Variants in TMEM132D observed in about 807,000 individuals in gnomAD.
TMEM132D encodes mature OL transmembrane protein.
In TMEM132D, 21 loss-of-function variants were observed where a neutral mutation model predicts 62.3. That is an observed-to-expected ratio of 0.34 (90% CI 0.24 to 0.49). The LOEUF is 0.49. Ranked by LOEUF, TMEM132D falls within the 20% of genes least tolerant of loss-of-function variation. TMEM132D has a pLI of 0.99. For synonymous variants in TMEM132D, 621 were observed against 575.6 expected, an observed-to-expected ratio of 1.08 and a Z score of -1.13; for missense variants, 1,346 against 1,402.8, an observed-to-expected ratio of 0.96 and a Z score of 0.65.
chr12:129,331,434 C>A (rs80316890), intron 4 of TMEM132D, among the ~76,000 whole-genome samples: 2,573 of 152,244 alleles, frequency 0.017, 68 homozygotes, highest in African/African-American at 0.059. Context: ...CTGACCATGT[C>A]TCCTGATTAA....
In TMEM132D at chr12:129,236,532, GA is replaced by G. The variant is rs1268799763; in HGVS notation, c.1300-26870del. Among the ~76,000 whole-genome samples the G allele has an allele frequency of 3.9e-4, 44 of 113,536 alleles. No homozygotes were observed. In the East Asian group the frequency reaches 5.1e-3, roughly 13 times the overall value. 74.5% of individuals were successfully genotyped at this position (113,536 alleles called of 152,430 possible). On this transcript the variant is annotated intron_variant, in intron 4 of 8. Coordinates refer to ENST00000422113, the MANE Select transcript of TMEM132D (RefSeq NM_133448.3). ...TCCATCTCAAAAAAAAAAAAAAAAAGAAAAAAAAAAGAAAAGAAATGAAACT... is the reference window on the plus strand; with the variant it reads ...TCCATCTCAAAAAAAAAAAAAAAAAGAAAAAAAAAGAAAAGAAATGAAACT...
chr12:129,403,032 T>C (rs1203990180), intron 3 of TMEM132D, among the ~76,000 whole-genome samples: 1 of 152,234 alleles, frequency 6.6e-6, no homozygotes, highest in Non-Finnish European at 1.5e-5. Context: ...AAGACTCCAC[T>C]GACAGAAAAG....
At chr12:129,640,175 G>C (rs1173571669) in intron 2 of TMEM132D, among the ~76,000 whole-genome samples, 1 of 151,992 alleles carries the variant, frequency 6.6e-6, no homozygotes, top group Non-Finnish European at 1.5e-5. Context: ...CTTGCTTCAG[G>C]GGCCTGCACC....
chr12:129,575,031 GATCTGCTTGGCGCT>G (rs1287027471), intron 2 of TMEM132D, among the ~76,000 whole-genome samples: 3 of 151,620 alleles, frequency 2.0e-5, no homozygotes, highest in African/African-American at 7.3e-5. Context: ...TCTCTCATCG[GATCTGCTTGGCGCT>G]ACATATGGAG....
At chr12:129,836,513 T>TGC (rs1327632730) in intron 1 of TMEM132D, among the ~76,000 whole-genome samples, 3 of 151,968 alleles carry the variant, frequency 2.0e-5, no homozygotes, top group Non-Finnish European at 2.9e-5. Context: ...TGTGTGTGTG[T>TGC]GTGCGCGCGT....
chr12:129,556,378 C>T (rs926017561), intron 2 of TMEM132D, among the ~76,000 whole-genome samples: 1 of 152,122 alleles, frequency 6.6e-6, no homozygotes, highest in African/African-American at 2.4e-5. Context: ...AGACTCTGCT[C>T]CATGGGTCCA....
At chr12:129,344,848 G>A (rs1816726820) in intron 3 of TMEM132D, among the ~76,000 whole-genome samples, 2 of 151,868 alleles carry the variant, frequency 1.3e-5, no homozygotes. Flanking sequence ...AACATTGGGA[G>A]CAAAAAGCAT....
At chr12:129,310,502 T>G (rs1055224751) in intron 4 of TMEM132D, among the ~76,000 whole-genome samples, 9 of 152,212 alleles carry the variant, frequency 5.9e-5, no homozygotes, top group African/African-American at 2.2e-4. Context: ...TACTGTGACC[T>G]CACTCTCCTC....
At chr12:129,854,070 GC>G (rs1593187211) in intron 1 of TMEM132D, among the ~76,000 whole-genome samples, 1 of 152,192 alleles carries the variant, frequency 6.6e-6, no homozygotes, top group East Asian at 1.9e-4. Context: ...TACTACTAAT[GC>G]CCATGGCAGT....
intron 4 of TMEM132D, among the ~76,000 whole-genome samples, chr12:129,288,511 G>A (rs1881364464): frequency 6.6e-6 from 1 of 152,176 alleles, no homozygotes; most frequent in Admixed American, 6.5e-5. Context: ...GGTGCTCAAT[G>A]TCTCTAATCA....
intron 1 of TMEM132D, among the ~76,000 whole-genome samples, chr12:129,722,257 C>T (rs75019516): frequency 8.1e-4 from 123 of 152,332 alleles, no homozygotes; most frequent in Non-Finnish European, 1.4e-3. Flanking sequence ...AATCTGTTGT[C>T]AGAACCTATC....
chr12:129,129,979 G>A (rs1041160662), intron 5 of TMEM132D, among the ~76,000 whole-genome samples: 1 of 151,034 alleles, frequency 6.6e-6, no homozygotes, highest in African/African-American at 2.4e-5. Flanking sequence ...CCACGATAAA[G>A]TACCTGCATG....
At chr12:129,544,087 C>T (rs751784404) in intron 2 of TMEM132D, among the ~76,000 whole-genome samples, 1 of 152,212 alleles carries the variant, frequency 6.6e-6, no homozygotes, top group African/African-American at 2.4e-5. Flanking sequence ...ATCCTATACA[C>T]GTTTATATCC....
chr12:129,642,978 G>C (rs1248313361), intron 2 of TMEM132D, among the ~76,000 whole-genome samples: 1 of 145,704 alleles, frequency 6.9e-6, no homozygotes, highest in African/African-American at 2.6e-5. Context: ...AGGCTGGAGA[G>C]CAATGGCACA....
intron 3 of TMEM132D, among the ~76,000 whole-genome samples, chr12:129,341,404 G>T (rs1323438714): frequency 6.6e-6 from 1 of 152,170 alleles, no homozygotes; most frequent in Non-Finnish European, 1.5e-5. Flanking sequence ...AAATTGCCTG[G>T]AGGAACTTTA....
At chr12:129,246,014 A>T (rs1880094982) in intron 4 of TMEM132D, among the ~76,000 whole-genome samples, 1 of 152,146 alleles carries the variant, frequency 6.6e-6, no homozygotes, top group Admixed American at 6.5e-5. Context: ...TAGAAGACGT[A>T]GTTGCGTGGT....
At chr12:129,901,825 G>T (rs1375228460) in intron 1 of TMEM132D, among the ~76,000 whole-genome samples, 2 of 151,278 alleles carry the variant, frequency 1.3e-5, no homozygotes, top group African/African-American at 4.9e-5. Flanking sequence ...TAAACACAAA[G>T]AAGTCTGGAC....
At chr12:129,384,212 T>C (rs1054757641) in intron 3 of TMEM132D, among the ~76,000 whole-genome samples, 1 of 152,188 alleles carries the variant, frequency 6.6e-6, no homozygotes, top group Non-Finnish European at 1.5e-5. Context: ...CCAAGTCAAC[T>C]ACTGAACATT....
chr12:129,609,718 C>G (rs1878719910), intron 2 of TMEM132D, among the ~76,000 whole-genome samples: 1 of 152,236 alleles, frequency 6.6e-6, no homozygotes, highest in Non-Finnish European at 1.5e-5. Flanking sequence ...TCGGGCCCCT[C>G]TTCCCCAGTC....
Sources: gnomAD v4.1 joint callset for allele counts (sites outside exome capture counted in the v4.1 genomes callset) on GRCh38, gnomAD v4.1.1 for gene constraint, MANE v1.5 for transcripts, NCBI Gene and HGNC (gene_info 2026-07-23, HGNC 2026-07-21) for gene names.